The following FRMPD4 variants were observed in gnomAD, a reference collection of about 807,000 sequenced individuals.
FRMPD4 encodes FERM and PDZ domain containing 4, also known as FERM and PDZ domain-containing protein 4.
In FRMPD4, 22 loss-of-function variants were observed where a neutral mutation model predicts 94.1. The observed-to-expected ratio is 0.23, with a 90% CI of 0.17 to 0.33. The LOEUF (loss-of-function observed/expected upper bound fraction) is 0.33, where lower values mean the gene tolerates loss of function less well. FRMPD4 is among the 10% of genes least tolerant of loss of function. The pLI, the probability that FRMPD4 is intolerant of heterozygous loss-of-function variation, is 1.00. For missense variants in FRMPD4, 1,111 were observed against 1,339.9 expected (o/e 0.83, Z 2.67); for synonymous variants, 631 against 548.6 (o/e 1.15, Z -2.10).
intron 2 of FRMPD4, among the ~76,000 whole-genome samples, chrX:12,608,809 C>T (rs2059153846): frequency 1.8e-5 from 2 of 112,155 alleles, no homozygotes; most frequent in African/African-American, 3.2e-5. Flanking sequence ...AGTTCCTTGC[C>T]CTCATAGAGT....
chrX:12,556,328 G>A (rs1231001487), intron 2 of FRMPD4, among the ~76,000 whole-genome samples: 4 of 110,841 alleles, frequency 3.6e-5, no homozygotes, highest in African/African-American at 1.3e-4. Flanking sequence ...GGGTGGGTCT[G>A]CCCTAATCAG....
intron 3 of FRMPD4, among the ~76,000 whole-genome samples, chrX:12,083,476 G>A (rs1043820177): frequency 2.7e-5 from 3 of 113,010 alleles, no homozygotes; most frequent in Non-Finnish European, 3.7e-5. Context: ...ATCTGCTAGG[G>A]CAGTGTGGAA....
chrX:11,989,280 A>G (rs1269425686), intron 3 of FRMPD4, among the ~76,000 whole-genome samples: 2 of 112,010 alleles, frequency 1.8e-5, no homozygotes, highest in Admixed American at 1.9e-4. Flanking sequence ...ACACATACAC[A>G]ATGGGGTACT....
At chrX:12,133,615 C>T (rs897028682), upstream of FRMPD4, among the ~76,000 whole-genome samples, 2 of 111,295 alleles carry the variant, frequency 1.8e-5, no homozygotes, top group African/African-American at 6.6e-5. Flanking sequence ...GTAAATAATA[C>T]AAATAAATGA....
chrX:12,286,030 C>T (rs777520441), intron 1 of FRMPD4, among the ~76,000 whole-genome samples: 95 of 112,173 alleles, frequency 8.5e-4, no homozygotes, highest in Non-Finnish European at 1.2e-3. Context: ...AGCTGACCTT[C>T]GCAGGCAACA....
At position 12,181,330 on chromosome X, in the gene FRMPD4, A is replaced by G. The variant is rs1256930534; in HGVS notation, c.41+42318A>G. 2.7e-5 allele frequency among the ~76,000 whole-genome samples: 3 copies of G among 112,132 alleles called. No individual in the cohort carries two copies. The Admixed American group carries it at 2.8e-4, about 11-fold the overall frequency. Reference sequence around the variant, plus strand: ...TTATAAAAGGAGAATTTTCAAAACAACAGTTGTTTCAAAATAGACTCCCTT... The same window carrying G: ...TTATAAAAGGAGAATTTTCAAAACAGCAGTTGTTTCAAAATAGACTCCCTT... On this transcript the variant is annotated intron_variant, in intron 1 of 16. Coordinates refer to ENST00000675598, the MANE Select transcript of FRMPD4 (RefSeq NM_001368397.1).
chrX:12,186,415 T>A (rs1328440321), intron 1 of FRMPD4, among the ~76,000 whole-genome samples: 3 of 111,916 alleles, frequency 2.7e-5, no homozygotes, highest in African/African-American at 9.7e-5. Context: ...TTAAGCATAA[T>A]TATTTAATTG....
intron 3 of FRMPD4, among the ~76,000 whole-genome samples, chrX:11,961,927 A>G (rs2054285788): frequency 8.9e-6 from 1 of 112,549 alleles, no homozygotes; most frequent in South Asian, 3.6e-4. Flanking sequence ...AAACTTAAAG[A>G]ATTTTTAGTT....
chrX:11,915,362 C>A (rs1235101395), intron 3 of FRMPD4, among the ~76,000 whole-genome samples: 3 of 112,259 alleles, frequency 2.7e-5, no homozygotes, highest in African/African-American at 9.7e-5. Context: ...GGAAACCCAG[C>A]AAAATAGTCT....
rs771422211 is a variant in FRMPD4, at chrX:12,271,246, C to T, written c.41+132234C>T. Among the ~76,000 whole-genome samples the T allele has an allele frequency of 2.9e-4, 33 of 112,274 alleles. No homozygotes were observed. In the South Asian group the frequency reaches 4.4e-3, roughly 15 times the overall value. On this transcript the variant is annotated intron_variant, in intron 1 of 16. Transcript: ENST00000675598. ...GTAACATATATGCAGAATAATGTCACAAGTCTACAGCTAGCGGATATTCAC... is the reference window on the plus strand; with the variant it reads ...GTAACATATATGCAGAATAATGTCATAAGTCTACAGCTAGCGGATATTCAC...
At position 12,254,850 on chromosome X, in the gene FRMPD4, A is replaced by G. The variant is rs1296702332; in HGVS notation, c.41+115838A>G. On this transcript the variant is annotated intron_variant, in intron 1 of 16. Coordinates refer to ENST00000675598, the MANE Select transcript of FRMPD4 (RefSeq NM_001368397.1). ...CTTCTTCAAGACCCTTTCTTTTACT[A>G]TTTTTTTGGATCACTCCTGGAGGGT... 6.3e-5 allele frequency among the ~76,000 whole-genome samples: 7 copies of G among 110,579 alleles called. No homozygotes were observed. The East Asian group carries it at 1.1e-3, about 18-fold the overall frequency.
intron 1 of FRMPD4, among the ~76,000 whole-genome samples, chrX:12,436,843 C>A (rs1282718366): frequency 9.0e-6 from 1 of 111,087 alleles, no homozygotes; most frequent in East Asian, 2.8e-4. Context: ...ATTTCTTCAT[C>A]GGTTTACTTA....
intron 3 of FRMPD4, among the ~76,000 whole-genome samples, chrX:11,920,657 G>A (rs1208692854): frequency 8.9e-6 from 1 of 111,982 alleles, no homozygotes; most frequent in African/African-American, 3.2e-5. Context: ...AGCAACCCTG[G>A]GAAGCAAATA....
At position 12,129,678 on chromosome X, in the gene FRMPD4, A is replaced by G. The variant is rs774341276; in HGVS notation, c.95+251660A>G. 2.7e-5 allele frequency among the ~76,000 whole-genome samples: 3 copies of G among 111,863 alleles called. No individual in the cohort carries two copies. In the South Asian group the frequency reaches 1.1e-3, roughly 42 times the overall value. ...TTGTGCTGAGTGAGGTAGCTCTGCT[A>G]TCGTTGAAAACTCAGTAAATTGGAA... On this transcript the variant is annotated intron_variant, in intron 3 of 18. Transcript: ENST00000640291.
At chrX:12,074,088 C>A (rs1569153585) in intron 3 of FRMPD4, among the ~76,000 whole-genome samples, 1 of 111,962 alleles carries the variant, frequency 8.9e-6, no homozygotes, top group East Asian at 2.8e-4. Flanking sequence ...AATCTTTTTA[C>A]AAATACAAAT....
chrX:12,569,224 C>T (rs2058739674), intron 2 of FRMPD4, among the ~76,000 whole-genome samples: 1 of 111,064 alleles, frequency 9.0e-6, no homozygotes, highest in African/African-American at 3.3e-5. Flanking sequence ...TATTCTGTTA[C>T]AGCAACATAA....
At position 12,468,557 on chromosome X, in the gene FRMPD4, A is replaced by G. The variant is rs1002324317; in HGVS notation, c.42-30123A>G. 2.7e-5 allele frequency among the ~76,000 whole-genome samples: 3 copies of G among 111,907 alleles called. No homozygotes were observed. In the Admixed American group the frequency reaches 2.8e-4, roughly 11 times the overall value. ...CCCTATGCAGAATTAGGAGGATGGA[A>G]GTTCTTACAGAAAGGAAACTTCATT... On this transcript the variant is annotated intron_variant, in intron 1 of 16. Coordinates refer to ENST00000675598, the MANE Select transcript of FRMPD4 (RefSeq NM_001368397.1).
At chrX:12,607,787 T>C (rs5978557) in intron 2 of FRMPD4, among the ~76,000 whole-genome samples, 17,895 of 111,881 alleles carry the variant, frequency 0.16, 3,584 homozygotes, top group African/African-American at 0.56. Context: ...TTTTTCCTAC[T>C]GTTCCACCTC....
chrX:12,522,415 C>T (rs1013995865), intron 2 of FRMPD4, among the ~76,000 whole-genome samples: 39 of 111,064 alleles, frequency 3.5e-4, no homozygotes, highest in African/African-American at 1.2e-3. Flanking sequence ...ATTCAGGGTA[C>T]AGGGCTTTGA....
Sources: gnomAD v4.1 joint callset for allele counts (sites outside exome capture counted in the v4.1 genomes callset) on GRCh38, gnomAD v4.1.1 for gene constraint, MANE v1.5 for transcripts, NCBI Gene and HGNC (gene_info 2026-07-23, HGNC 2026-07-21) for gene names.